The following DLG5 variants were observed in gnomAD, a reference collection of about 807,000 sequenced individuals.
The protein encoded by DLG5 is discs large MAGUK scaffold protein 5.
In DLG5, 48 loss-of-function variants were observed where a neutral mutation model predicts 189.8. The ratio of observed to expected loss-of-function variants is 0.25; its 90% CI spans 0.20 to 0.32. The LOEUF is 0.32. DLG5 is among the 10% of genes least tolerant of loss of function. The pLI is 1.00. For missense variants in DLG5, 2,160 were observed against 2,544.7 expected (o/e 0.85, Z 3.25); for synonymous variants, 1,016 against 1,054.1 (o/e 0.96, Z 0.70).
At chr10:77,819,230 C>T (rs1293159177) in intron 17 of DLG5, 91 bp downstream of exon 17, 2 of 1,588,652 alleles carry the variant, frequency 1.3e-6, no homozygotes, top group African/African-American at 1.3e-5. Context: ...GAAGCTTCTC[C>T]ACCAATGAGC....
intron 1 of DLG5, among the ~76,000 whole-genome samples, chr10:77,904,807 G>A (rs909238726): frequency 5.9e-5 from 9 of 152,000 alleles, no homozygotes; most frequent in East Asian, 5.8e-4. Context: ...CTAATCCTGA[G>A]CAGAGTTTTA....
chr10:77,846,633 G>T (rs545897268), intron 5 of DLG5: 86 of 451,016 alleles, frequency 1.9e-4, no homozygotes, highest in South Asian at 3.9e-4. Context: ...GGAGGCGTAG[G>T]TTGCAGTGAG....
chr10:77,893,667 C>T (rs1845675877), intron 1 of DLG5, among the ~76,000 whole-genome samples: 1 of 152,238 alleles, frequency 6.6e-6, no homozygotes, highest in Non-Finnish European at 1.5e-5. Flanking sequence ...CGGTCCCGTG[C>T]TTGGGGGCAG....
chr10:77,926,675 G>A lies in DLG5; in HGVS notation c.-155C>T. On this transcript the variant is annotated 5_prime_UTR_variant, in exon 1 of 32. Transcript: ENST00000372391. This position sits in a 1 kb window ranked among gnomAD's most constrained non-coding sequence, Gnocchi z 5.2. ...CGGGGCCTGGGCGGGCTGGGGGCCCGGGGCGGCGGGCGGCGCTCAGCAGCG... is the reference window on the plus strand; with the variant it reads ...CGGGGCCTGGGCGGGCTGGGGGCCCAGGGCGGCGGGCGGCGCTCAGCAGCG... The A allele has an allele frequency of 2.6e-6, 1 of 378,268 alleles. No individual in the cohort carries two copies. Among genetic ancestry groups the A allele is most frequent in the Non-Finnish European group, 3.6e-6 (1 of 275,562 alleles). 23.4% of individuals were successfully genotyped at this position (378,268 alleles called of 1,614,324 possible).
chr10:77,931,039 C>A (rs58919828), upstream of DLG5, among the ~76,000 whole-genome samples: 265 of 151,942 alleles, frequency 1.7e-3, 1 homozygote, highest in African/African-American at 6.0e-3. Flanking sequence ...AGGCTGGTCT[C>A]GAACTCCCAA....
At chr10:77,939,037 G>A in the DLG5 span, among the ~76,000 whole-genome samples, 19 of 152,196 alleles carry the variant, frequency 1.2e-4, no homozygotes, top group African/African-American at 2.9e-4. Context: ...AAAATTAGCC[G>A]GGTGTGGTGG....
chr10:77,880,145 G>A lies in DLG5; in HGVS notation c.305-10948C>T, dbSNP rs75855233. Reference sequence around the variant, plus strand: ...AAGTGGGTAGTGAGATGGGAGAGTCGACCACACAAGTAAAGAAACTGAACA... The same window carrying A: ...AAGTGGGTAGTGAGATGGGAGAGTCAACCACACAAGTAAAGAAACTGAACA... On this transcript the variant is annotated intron_variant, in intron 1 of 31. Transcript: ENST00000372391. Among the ~76,000 whole-genome samples, 117 of 152,064 alleles carry A rather than the reference G, an allele frequency of 7.7e-4. No individual in the cohort carries two copies. The East Asian group carries it at 0.02, about 27-fold the overall frequency.
intron 1 of DLG5, among the ~76,000 whole-genome samples, chr10:77,875,145 G>A (rs1845043746): frequency 6.6e-6 from 1 of 152,118 alleles, no homozygotes; most frequent in Admixed American, 6.5e-5. Flanking sequence ...GCACAAACAG[G>A]ATACAAACCC....
chr10:77,853,460 T>C lies in DLG5; in HGVS notation c.758A>G (p.Gln253Arg). The C allele has an allele frequency of 1.2e-6, 2 of 1,611,836 alleles. No homozygotes were observed. The highest frequency in any genetic ancestry group is 1.7e-6 in the Non-Finnish European group (2 of 1,179,132). Residue 253 changes from glutamine to arginine, a missense_variant, in exon 5 of 32, where the codon CAG becomes CGG. By Grantham distance (43) the Gln-to-Arg change is conservative. Coordinates refer to ENST00000372391, the MANE Select transcript of DLG5 (RefSeq NM_004747.4). ...CAGCAGGTTTCGCTCCCGCAGCAGC[T>C]GCCCATTCTCCCGCCTCAGCATGTC... is the stretch of plus-strand genomic sequence containing the variant. ...DVDMLRRENG[Q>R]LLRERNLLQQ... is the part of the protein sequence containing the mutation.
At chr10:77,876,295 T>C (rs1304467368) in intron 1 of DLG5, among the ~76,000 whole-genome samples, 3 of 151,330 alleles carry the variant, frequency 2.0e-5, no homozygotes, top group African/African-American at 7.3e-5. Context: ...TCCCAGCACT[T>C]TGGGAGGCTG....
At position 77,926,138 on chromosome 10, in the gene DLG5, C is replaced by G. The variant is rs1217813085; in HGVS notation, c.304+79G>C. On this transcript the variant is annotated intron_variant, in intron 1 of 31. Transcript: ENST00000372391. This position sits in a 1 kb window ranked among gnomAD's most constrained non-coding sequence, Gnocchi z 5.2. The stretch of plus-strand genomic sequence containing the variant: ...CCATCGCCAGGTGGAGCGGCGGCCC[C>G]GGCGAGGTACCCTCGGCCAGCAGGA... The G allele has an allele frequency of 5.5e-6, 7 of 1,276,230 alleles. No individual in the cohort carries two copies. The highest frequency in any genetic ancestry group is 7.0e-6 in the Non-Finnish European group (7 of 999,762). 79.1% of individuals were successfully genotyped at this position (1,276,230 alleles called of 1,614,324 possible). A position where few individuals can be genotyped will look rare whatever the true frequency, so the allele number is the denominator to read the frequency against.
At chr10:77,922,296 GA>G (rs1161229122) in intron 1 of DLG5, among the ~76,000 whole-genome samples, 1 of 152,016 alleles carries the variant, frequency 6.6e-6, no homozygotes, top group African/African-American at 2.4e-5. Context: ...ATCCTCAAGG[GA>G]AAAAACTCAG....
At chr10:77,803,625 A>C (rs986428991) in intron 27 of DLG5, among the ~76,000 whole-genome samples, 18 of 152,230 alleles carry the variant, frequency 1.2e-4, no homozygotes, top group Non-Finnish European at 1.9e-4. Flanking sequence ...TTTACCAGGA[A>C]GGTGTAACAA....
Position 77,828,888 on chromosome 10 carries a change from G to A in DLG5, c.2283C>T (p.Ile761=), listed in dbSNP as rs1245761419. ...CTCCAGCCTTGAGACTTACCGCAAC[G>A]ATCCTGTCTCCCACAGCAAGGGACC... ...KEGSLAVGDR[I]VAINGIALDN... The change falls in exon 13 of 32, where the codon ATC becomes ATT. Residue 761 remains isoleucine, a synonymous_variant. Transcript: ENST00000372391. 4.3e-6 allele frequency: 7 copies of A among 1,613,972 alleles called. No individual in the cohort carries two copies. Among genetic ancestry groups the A allele is most frequent in the South Asian group, 2.2e-5 (2 of 91,086 alleles).
intron 18 of DLG5, 65 bp downstream of exon 18, chr10:77,817,712 A>C: frequency 7.1e-7 from 1 of 1,406,258 alleles, no homozygotes; most frequent in Non-Finnish European, 9.8e-7. Flanking sequence ...TCTGGACATT[A>C]GGATGCAGGC....
chr10:77,824,401 T>A lies in DLG5; in HGVS notation c.2365A>T (p.Thr789Ser). The A allele has an allele frequency of 6.2e-7, 1 of 1,613,566 alleles. No homozygotes were observed. Among genetic ancestry groups the A allele is most frequent in the Non-Finnish European group, 8.5e-7 (1 of 1,179,568 alleles). ...SLLRSCQDSL[T>S]LSLLKVFPQS... ...GCCCTTACCTTCAGGAGGGACAGGG[T>A]CAGGGAGTCCTGGCAGCTGCGCAGC... Residue 789 changes from threonine (T) to serine (S), a missense_variant, in exon 14 of 32, where the codon ACC (threonine) becomes TCC (serine). Thr to Ser is a moderately conservative substitution (Grantham distance 58). Coordinates refer to ENST00000372391, the MANE Select transcript of DLG5 (RefSeq NM_004747.4).
intron 27 of DLG5, 72 bp downstream of exon 27, chr10:77,805,593 T>C (rs1841427450): frequency 2.7e-6 from 4 of 1,483,314 alleles, no homozygotes; most frequent in Admixed American, 2.1e-5. Flanking sequence ...TTTAAGTCCC[T>C]GTTGTGGAGC....
At chr10:77,795,200 C>A (rs566599268) in intron 29 of DLG5, among the ~76,000 whole-genome samples, 1 of 152,342 alleles carries the variant, frequency 6.6e-6, no homozygotes, top group South Asian at 2.1e-4. Flanking sequence ...CAGCCCAACT[C>A]CAAACTTCCT....
chr10:77,912,777 C>G (rs970484962), intron 1 of DLG5, among the ~76,000 whole-genome samples: 1 of 152,252 alleles, frequency 6.6e-6, no homozygotes, highest in Non-Finnish European at 1.5e-5. Context: ...TCTGCAGCCT[C>G]TGGCTCCAGC....
Sources: gnomAD v4.1 joint callset for allele counts (sites outside exome capture counted in the v4.1 genomes callset) on GRCh38, gnomAD v4.1.1 for gene constraint, Gnocchi (gnomAD v3.1) non-coding constraint, MANE v1.5 for transcripts, NCBI Gene and HGNC (gene_info 2026-07-23, HGNC 2026-07-21) for gene names.